Variants in NELL1 observed in about 807,000 individuals in gnomAD.
NELL1 encodes the protein neural EGFL like 1, also known as protein kinase C-binding protein NELL1.
A neutral mutation model predicts 107.4 loss-of-function variants in NELL1; 76 were observed. The observed-to-expected ratio is 0.71, with a 90% CI of 0.59 to 0.86. The LOEUF is 0.86. Ranked by LOEUF, NELL1 falls within the 40% of genes least tolerant of loss-of-function variation. The probability of loss-of-function intolerance (pLI) is 0.00; values close to 1 mark genes in which losing one functional copy is unlikely to be tolerated. For missense variants in NELL1, 1,024 were observed against 1,005.5 expected, an observed-to-expected ratio of 1.02 and a Z score of -0.25; for synonymous variants, 353 against 341.2, an observed-to-expected ratio of 1.03 and a Z score of -0.38.
intron 14 of NELL1, among the ~76,000 whole-genome samples, chr11:21,344,942 A>C (rs1850653401): frequency 6.6e-6 from 1 of 152,138 alleles, no homozygotes; most frequent in South Asian, 2.1e-4. Context: ...AATTTTAATA[A>C]TTTTTATTGA....
intron 15 of NELL1, among the ~76,000 whole-genome samples, chr11:21,425,560 T>C (rs979792190): frequency 1.3e-4 from 20 of 152,114 alleles, no homozygotes; most frequent in Admixed American, 2.6e-4. Flanking sequence ...GAGTGATGCC[T>C]TTGCTAGAAA....
intron 12 of NELL1, among the ~76,000 whole-genome samples, chr11:21,062,816 G>GTTTGTTTATTTA (rs1554963955): frequency 6.6e-6 from 1 of 151,336 alleles, no homozygotes; most frequent in African/African-American, 2.4e-5. Context: ...TTGTTTGTTT[G>GTTTGTTTATTTA]TTTATTTATT....
At chr11:20,752,348 G>A (rs988461149) in intron 2 of NELL1, among the ~76,000 whole-genome samples, 8 of 152,154 alleles carry the variant, frequency 5.3e-5, no homozygotes, top group African/African-American at 9.7e-5. Context: ...TTGGGAGTTC[G>A]AGACCAGCCT....
intron 13 of NELL1, among the ~76,000 whole-genome samples, chr11:21,169,258 A>G (rs1856551449): frequency 1.3e-5 from 2 of 151,876 alleles, no homozygotes; most frequent in South Asian, 4.1e-4. Context: ...GGTTCCACAC[A>G]GGGTACTCTC....
At chr11:21,362,215 C>T (rs1055471785) in intron 14 of NELL1, among the ~76,000 whole-genome samples, 9 of 152,312 alleles carry the variant, frequency 5.9e-5, no homozygotes, top group Non-Finnish European at 1.3e-4. Flanking sequence ...CCCACTTTCC[C>T]CAGAGATGGG....
At chr11:20,912,001 A>G (rs1238729379) in intron 5 of NELL1, among the ~76,000 whole-genome samples, 2 of 152,214 alleles carry the variant, frequency 1.3e-5, no homozygotes, top group East Asian at 1.9e-4. Flanking sequence ...TATCTTGTAC[A>G]TGCTGCCTCA....
intron 10 of NELL1, among the ~76,000 whole-genome samples, chr11:20,945,274 C>T (rs533455445): frequency 5.9e-5 from 9 of 152,262 alleles, no homozygotes; most frequent in South Asian, 2.1e-4. Context: ...TCAAACATAC[C>T]GTAATCCCAC....
chr11:21,534,255 G>T (rs551885732), intron 15 of NELL1, 119 bp from the exon 16 acceptor site: 769 of 1,116,932 alleles, frequency 6.9e-4, no homozygotes, highest in Non-Finnish European at 8.9e-4. Flanking sequence ...GACTTTCATT[G>T]TAGGTGACTA....
rs143870411 is a variant in NELL1, at chr11:20,676,754, G to A, written c.56-1178G>A. Among the ~76,000 whole-genome samples the A allele has an allele frequency of 6.8e-3, 1,036 of 152,264 alleles. 15 individuals are homozygous for A. The highest frequency in any genetic ancestry group is 0.02 in the Middle Eastern group (6 of 294). On this transcript the variant is annotated intron_variant, in intron 1 of 19. Coordinates refer to ENST00000357134, the MANE Select transcript of NELL1 (RefSeq NM_006157.5). ...AGGTGGTGATAGCTTATGATGTCCC[G>A]GTGAACATTCACGCAGTGGGTACAA...
intron 5 of NELL1, among the ~76,000 whole-genome samples, chr11:20,914,408 G>T (rs1451960139): frequency 2.0e-5 from 3 of 152,024 alleles, no homozygotes; most frequent in Non-Finnish European, 4.4e-5. Flanking sequence ...TTTTCTGATC[G>T]GCTATTGGTT....
At chr11:21,492,079 G>A (rs1158732786) in intron 15 of NELL1, among the ~76,000 whole-genome samples, 4 of 152,096 alleles carry the variant, frequency 2.6e-5, no homozygotes, top group African/African-American at 7.2e-5. Context: ...CAAAAAGTGG[G>A]TGAAGGAAAT....
chr11:21,211,301 T>A (rs951555311), intron 13 of NELL1, among the ~76,000 whole-genome samples: 2 of 152,020 alleles, frequency 1.3e-5, no homozygotes, highest in South Asian at 4.1e-4. Context: ...GAAGAGCATA[T>A]GAAAATGCTT....
At chr11:21,271,847 T>G (rs1848746220) in intron 14 of NELL1, among the ~76,000 whole-genome samples, 1 of 152,194 alleles carries the variant, frequency 6.6e-6, no homozygotes, top group Non-Finnish European at 1.5e-5. Context: ...AATTGATGTG[T>G]TCAGCACATC....
At chr11:21,174,117 T>C (rs1856662865) in intron 13 of NELL1, among the ~76,000 whole-genome samples, 1 of 151,702 alleles carries the variant, frequency 6.6e-6, no homozygotes, top group South Asian at 2.1e-4. Context: ...AGCCAATATT[T>C]TAATCCAAGA....
intron 12 of NELL1, among the ~76,000 whole-genome samples, chr11:21,047,823 T>G (rs1853393856): frequency 6.6e-6 from 1 of 152,178 alleles, no homozygotes; most frequent in Non-Finnish European, 1.5e-5. Flanking sequence ...CCAGCTAACA[T>G]GCAGTCTAAA....
intron 5 of NELL1, among the ~76,000 whole-genome samples, chr11:20,886,662 T>G (rs1198022836): frequency 1.3e-5 from 2 of 152,062 alleles, no homozygotes; most frequent in African/African-American, 4.8e-5. Flanking sequence ...TGAGAACACA[T>G]GGACACAGGG....
chr11:21,172,592 T>C (rs187628708), intron 13 of NELL1, among the ~76,000 whole-genome samples: 40 of 151,814 alleles, frequency 2.6e-4, no homozygotes, highest in African/African-American at 9.5e-4. Flanking sequence ...TGTATACCAC[T>C]ACCTTCTCCG....
rs926391530 is a variant in NELL1 at position 20,701,304 on chromosome 11, C to T, written c.184+23244C>T. On this transcript the variant is annotated intron_variant, in intron 2 of 19. Transcript: ENST00000357134. The stretch of plus-strand genomic sequence containing the variant: ...ATGTGTCTTTTGGCTGCATAAATGT[C>T]TTCTTTTGAGAAGTGTCTGTTCATA... Among the ~76,000 whole-genome samples, 3 of 152,194 alleles carry T rather than the reference C, an allele frequency of 2.0e-5. No homozygotes were observed. The South Asian group carries it at 6.2e-4, about 32-fold the overall frequency.
intron 4 of NELL1, among the ~76,000 whole-genome samples, chr11:20,872,028 A>G (rs1849209872): frequency 6.7e-6 from 1 of 149,882 alleles, no homozygotes; most frequent in Admixed American, 6.7e-5. Context: ...CAAAAAAAAA[A>G]AAAAAAAAAA....
Sources: gnomAD v4.1 joint callset for allele counts (sites outside exome capture counted in the v4.1 genomes callset) on GRCh38, gnomAD v4.1.1 for gene constraint, MANE v1.5 for transcripts, NCBI Gene and HGNC (gene_info 2026-07-23, HGNC 2026-07-21) for gene names.